LRP1B: variants seen among roughly 807,000 people sequenced by gnomAD.
LRP1B encodes LDL receptor related protein 1B.
LRP1B carries 217 observed loss-of-function variants against 556.6 expected under a neutral mutation model. The observed-to-expected ratio is 0.39, with a 90% confidence interval of 0.35 to 0.44. The LOEUF (loss-of-function observed/expected upper bound fraction) is 0.44, where lower values mean the gene tolerates loss of function less well. Among genes scored for constraint, LRP1B ranks in the 20% least tolerant of loss-of-function variants. The pLI is 1.00. For synonymous variants in LRP1B, 2,047 were observed against 1,865.8 expected, an observed-to-expected ratio of 1.10 and a Z score of -2.50; for missense variants, 5,053 against 5,620.8, an observed-to-expected ratio of 0.90 and a Z score of 3.23.
At chr2:140,800,569 G>GT (rs1354489707) in intron 32 of LRP1B, among the ~76,000 whole-genome samples, 1 of 152,114 alleles carries the variant, frequency 6.6e-6, no homozygotes, top group Non-Finnish European at 1.5e-5. Context: ...ATACTAGAAT[G>GT]TTTTTTAAAA....
intron 2 of LRP1B, among the ~76,000 whole-genome samples, chr2:141,535,418 A>G (rs765748514): frequency 6.6e-5 from 10 of 152,038 alleles, no homozygotes; most frequent in Non-Finnish European, 1.5e-4. Context: ...TAATACTTAG[A>G]CTATTACTGT....
At chr2:140,812,691 C>T (rs569272613) in intron 32 of LRP1B, among the ~76,000 whole-genome samples, 66 of 151,460 alleles carry the variant, frequency 4.4e-4, no homozygotes, top group African/African-American at 1.4e-3. Context: ...AAATTTTTAC[C>T]TATATAAATA....
chr2:140,849,817 G>T (rs534318383), intron 29 of LRP1B, among the ~76,000 whole-genome samples: 1 of 152,056 alleles, frequency 6.6e-6, no homozygotes, highest in African/African-American at 2.4e-5. Flanking sequence ...CGGGATTACC[G>T]CTGTGAGCCA....
intron 3 of LRP1B, among the ~76,000 whole-genome samples, chr2:141,469,112 ATTTAC>A (rs1416758657): frequency 1.2e-4 from 19 of 152,322 alleles, no homozygotes; most frequent in African/African-American, 4.3e-4. Context: ...AATCTGGGTG[ATTTAC>A]TTTCACTAAA....
intron 3 of LRP1B, among the ~76,000 whole-genome samples, chr2:141,276,856 C>T (rs918454421): frequency 7.9e-5 from 12 of 152,020 alleles, no homozygotes; most frequent in African/African-American, 2.9e-4. Flanking sequence ...TGGGGTTTCA[C>T]CCTGTTAGCC....
intron 44 of LRP1B, 64 bp from the exon 45 acceptor site, chr2:140,541,162 A>T: frequency 7.4e-7 from 1 of 1,354,654 alleles, no homozygotes; most frequent in South Asian, 1.3e-5. Context: ...TTAGATAAAT[A>T]TTAATCGTAA....
chr2:141,699,746 C>G (rs980120350), intron 2 of LRP1B, among the ~76,000 whole-genome samples: 6 of 150,558 alleles, frequency 4.0e-5, no homozygotes, highest in Non-Finnish European at 8.9e-5. Context: ...TTTGAAATGG[C>G]CTTTCCAGTA....
intron 2 of LRP1B, among the ~76,000 whole-genome samples, chr2:141,652,524 G>A (rs552107733): frequency 6.6e-6 from 1 of 152,294 alleles, no homozygotes; most frequent in African/African-American, 2.4e-5. Flanking sequence ...GTCTCAGTCA[G>A]ACTGATGGGT....
intron 15 of LRP1B, among the ~76,000 whole-genome samples, chr2:141,003,775 C>T (rs1697491723): frequency 6.6e-6 from 1 of 151,940 alleles, no homozygotes. Flanking sequence ...TAGTACCTTC[C>T]TTACACAGTT....
At chr2:141,037,004 A>G (rs188972360) in intron 11 of LRP1B, among the ~76,000 whole-genome samples, 40 of 152,142 alleles carry the variant, frequency 2.6e-4, no homozygotes, top group African/African-American at 9.2e-4. Flanking sequence ...TAAGACCAAG[A>G]CTGGCACAAG....
chr2:140,452,216 A>G (rs1429986104), intron 62 of LRP1B, among the ~76,000 whole-genome samples: 1 of 152,132 alleles, frequency 6.6e-6, no homozygotes, highest in African/African-American at 2.4e-5. Flanking sequence ...TTATTGCCCA[A>G]ATATAAACAG....
chr2:140,333,675 G>C (rs1463691584), intron 79 of LRP1B, among the ~76,000 whole-genome samples: 1 of 152,056 alleles, frequency 6.6e-6, no homozygotes, highest in Non-Finnish European at 1.5e-5. Flanking sequence ...AATGCATTAT[G>C]TCCTTTCTGT....
At chr2:141,617,235 C>T (rs1422738949) in intron 2 of LRP1B, among the ~76,000 whole-genome samples, 3 of 152,126 alleles carry the variant, frequency 2.0e-5, no homozygotes, top group African/African-American at 7.2e-5. Context: ...CCTTACACAA[C>T]TTCAGATCTT....
intron 83 of LRP1B, among the ~76,000 whole-genome samples, chr2:140,304,347 C>T (rs554609010): frequency 1.9e-4 from 29 of 152,236 alleles, no homozygotes; most frequent in African/African-American, 6.3e-4. Context: ...TAATGATCAC[C>T]ATTCTAACTA....
intron 7 of LRP1B, among the ~76,000 whole-genome samples, chr2:141,168,525 TAGAG>T (rs1285082172): frequency 2.6e-5 from 4 of 151,710 alleles, no homozygotes; most frequent in Non-Finnish European, 5.9e-5. Flanking sequence ...ACCACAAACT[TAGAG>T]AGAAAATTTT....
chr2:140,447,002 G>A (rs1251397792), intron 63 of LRP1B, among the ~76,000 whole-genome samples: 1 of 151,840 alleles, frequency 6.6e-6, no homozygotes, highest in African/African-American at 2.4e-5. Context: ...AATGAGCTGA[G>A]GACTTGAATA....
At chr2:141,063,194 A>C (rs1283839369) in intron 7 of LRP1B, among the ~76,000 whole-genome samples, 1 of 151,858 alleles carries the variant, frequency 6.6e-6, no homozygotes, top group Non-Finnish European at 1.5e-5. Flanking sequence ...TCCAATTTAC[A>C]GTGACTGAGC....
intron 35 of LRP1B, among the ~76,000 whole-genome samples, chr2:140,765,328 T>C (rs1689063498): frequency 6.6e-6 from 1 of 152,108 alleles, no homozygotes. Context: ...TCAAGTAGCA[T>C]CCAATTGTTT....
intron 33 of LRP1B, among the ~76,000 whole-genome samples, chr2:140,774,831 T>C (rs569898604): frequency 2.8e-4 from 43 of 152,296 alleles, no homozygotes; most frequent in Admixed American, 7.2e-4. Context: ...GTGAAAAATA[T>C]CCTTGTTTAT....
Sources: gnomAD v4.1 joint callset for allele counts (sites outside exome capture counted in the v4.1 genomes callset) on GRCh38, gnomAD v4.1.1 for gene constraint, MANE v1.5 for transcripts, NCBI Gene and HGNC (gene_info 2026-07-23, HGNC 2026-07-21) for gene names.